COL8A1: variants seen among roughly 807,000 people sequenced by gnomAD.
The protein encoded by COL8A1 is collagen alpha-1(VIII) chain.
COL8A1 carries 21 observed loss-of-function variants against 42.7 expected under a neutral mutation model. The observed-to-expected ratio is 0.49, with a 90% CI of 0.35 to 0.71. The LOEUF is 0.71. Among genes scored for constraint, COL8A1 ranks in the 30% least tolerant of loss-of-function variants. The probability of loss-of-function intolerance (pLI) is 0.01; values close to 1 mark genes in which losing one functional copy is unlikely to be tolerated. For synonymous variants in COL8A1, 367 were observed against 369.1 expected, an observed-to-expected ratio of 0.99 and a Z score of 0.06; for missense variants, 788 against 962.4, an observed-to-expected ratio of 0.82 and a Z score of 2.40.
chr3:99,672,404 T>A (rs988669548), intron 1 of COL8A1, among the ~76,000 whole-genome samples: 1 of 152,010 alleles, frequency 6.6e-6, no homozygotes, highest in Non-Finnish European at 1.5e-5. Flanking sequence ...TCCATCTTTT[T>A]ATCTCATTGG....
Position 99,735,649 on chromosome 3 carries a change from A to G in COL8A1, c.-128-9248A>G, listed in dbSNP as rs1418694017. Among the ~76,000 whole-genome samples, 10 of 149,170 alleles carry G rather than the reference A, an allele frequency of 6.7e-5. No individual in the cohort carries two copies. The East Asian group carries it at 1.0e-3, about 15-fold the overall frequency. On this transcript the variant is annotated intron_variant, in intron 1 of 3. Coordinates refer to ENST00000652472, the MANE Select transcript of COL8A1 (RefSeq NM_020351.4). The stretch of plus-strand genomic sequence containing the variant: ...TGTCTCTGCCTGGCTTTGGTATCAG[A>G]ATGATGCTGGCCTCATAAAATGAGT...
At chr3:99,673,152 C>T (rs541970047) in intron 1 of COL8A1, among the ~76,000 whole-genome samples, 1 of 152,008 alleles carries the variant, frequency 6.6e-6, no homozygotes, top group East Asian at 1.9e-4. Context: ...ACGATTTAGA[C>T]ATGTAGACTC....
Position 99,795,486 on chromosome 3 carries a change from T to C in COL8A1, c.1585T>C (p.Phe529Leu). Residue 529 changes from phenylalanine to leucine, a missense_variant, in exon 4 of 4, where the codon TTC (phenylalanine) becomes CTC (leucine). Phe to Leu is a conservative substitution (Grantham distance 22). This residue lies in a region of COL8A1 where 154 missense variants were observed against 182.3 expected (regional missense o/e 0.84). Transcript: ENST00000652472. Reference protein sequence around the residue: ...GEPGLPGPPGFPGIGKPGVAG... With the variant: ...GEPGLPGPPGLPGIGKPGVAG... ...GCCGGGCCTCCCAGGGCCCCCTGGG[T>C]TCCCTGGTATAGGGAAACCCGGAGT... 6.4e-7 allele frequency: 1 copy of C among 1,557,108 alleles called. No homozygotes were observed. The highest frequency in any genetic ancestry group is 1.2e-5 in the South Asian group (1 of 86,112).
At chr3:99,691,716 A>C (rs1214978964) in intron 1 of COL8A1, 1 of 151,054 alleles carries the variant, frequency 6.6e-6, no homozygotes, top group African/African-American at 2.4e-5. Flanking sequence ...AAAAAAAAAA[A>C]AAAAGCCTCT....
chr3:99,681,199 G>C (rs1938869757), intron 1 of COL8A1, among the ~76,000 whole-genome samples: 1 of 152,128 alleles, frequency 6.6e-6, no homozygotes, highest in South Asian at 2.1e-4. Flanking sequence ...AGAGTGAACA[G>C]GCAACCTACA....
intron 1 of COL8A1, among the ~76,000 whole-genome samples, chr3:99,706,792 G>C (rs912751726): frequency 6.6e-5 from 10 of 152,106 alleles, no homozygotes; most frequent in African/African-American, 2.2e-4. Flanking sequence ...ACTTAAGAAA[G>C]GTTTATAAAC....
Position 99,764,082 on chromosome 3 carries a change from T to A in COL8A1, c.-4+19061T>A, listed in dbSNP as rs180758326. Among the ~76,000 whole-genome samples the A allele has an allele frequency of 2.5e-3, 382 of 152,302 alleles. 4 individuals carry two copies. The highest frequency in any genetic ancestry group is 8.8e-3 in the African/African-American group (365 of 41,570). On this transcript the variant is annotated intron_variant, in intron 2 of 3. Transcript: ENST00000652472. ...TGTGGTAAGAACAGCCTCCTCCTCCTCAGGCCCAGTGACTATCACCCACCA... is the reference window on the plus strand; with the variant it reads ...TGTGGTAAGAACAGCCTCCTCCTCCACAGGCCCAGTGACTATCACCCACCA...
chr3:99,755,756 G>A (rs1260332235), intron 2 of COL8A1, among the ~76,000 whole-genome samples: 4 of 152,166 alleles, frequency 2.6e-5, no homozygotes, highest in Non-Finnish European at 4.4e-5. Context: ...GAACCAGTTT[G>A]GCTTGTTGCA....
intron 1 of COL8A1, among the ~76,000 whole-genome samples, chr3:99,683,949 C>T (rs1365916370): frequency 1.3e-5 from 2 of 152,026 alleles, no homozygotes; most frequent in African/African-American, 4.8e-5. Flanking sequence ...GTTTTGGGGC[C>T]AAAAACTGAG....
chr3:99,682,607 T>G (rs1464002645), intron 1 of COL8A1, among the ~76,000 whole-genome samples: 1 of 145,604 alleles, frequency 6.9e-6, no homozygotes, highest in African/African-American at 2.6e-5. Flanking sequence ...GTAAAAGGAA[T>G]GTGAAATTAA....
chr3:99,745,308 T>C (rs866112003), intron 2 of COL8A1, among the ~76,000 whole-genome samples: 10 of 152,330 alleles, frequency 6.6e-5, no homozygotes, highest in African/African-American at 2.4e-4. Flanking sequence ...ATCATTTCCA[T>C]AGAACTTGAC....
At chr3:99,724,165 T>A (rs927810126) in intron 1 of COL8A1, among the ~76,000 whole-genome samples, 1 of 152,068 alleles carries the variant, frequency 6.6e-6, no homozygotes, top group Non-Finnish European at 1.5e-5. Flanking sequence ...TCCCATGGAT[T>A]AGCTAAAGTT....
chr3:99,794,972 A>T lies in COL8A1; in HGVS notation c.1071A>T (p.Gly357=). Residue 357 remains glycine (G), a synonymous_variant, in exon 4 of 4, where the codon GGA becomes GGT. Coordinates refer to ENST00000652472, the MANE Select transcript of COL8A1 (RefSeq NM_020351.4). The surrounding 1 kb of genome is among the most constrained non-coding windows in gnomAD (Gnocchi z 4.3). The stretch of plus-strand genomic sequence containing the variant: ...GGATTGGGAAACCAGGCTTCCCAGG[A>T]CCCAAAGGTGACCGGGGCATGGGAG... The part of the protein sequence containing the change: ...LPGIGKPGFP[G]PKGDRGMGGV... 2 of 1,603,836 alleles carry T rather than the reference A, an allele frequency of 1.2e-6. No individual in the cohort carries two copies. The highest frequency in any genetic ancestry group is 8.5e-7 in the Non-Finnish European group (1 of 1,175,222).
chr3:99,791,057 C>A, intron 3 of COL8A1, 47 bp downstream of exon 3: 2 of 1,509,618 alleles, frequency 1.3e-6, no homozygotes, highest in Non-Finnish European at 9.0e-7. Flanking sequence ...CTTTCCAAAT[C>A]TCTAAATTAT....
intron 1 of COL8A1, chr3:99,680,027 G>C (rs575683945): frequency 6.6e-6 from 1 of 152,136 alleles, no homozygotes; most frequent in East Asian, 1.9e-4. Context: ...TTAAGTTCTA[G>C]GGTACATGTG....
At chr3:99,715,855 C>G (rs561618019) in intron 1 of COL8A1, among the ~76,000 whole-genome samples, 15 of 152,046 alleles carry the variant, frequency 9.9e-5, no homozygotes, top group Middle Eastern at 3.4e-3. Context: ...AGTGTTTACT[C>G]TCTAGACCAT....
intron 1 of COL8A1, among the ~76,000 whole-genome samples, chr3:99,656,671 C>G (rs1938031490): frequency 6.6e-6 from 1 of 152,140 alleles, no homozygotes; most frequent in Non-Finnish European, 1.5e-5. Flanking sequence ...CTTTTCTTTC[C>G]TTACAATCTT....
intron 1 of COL8A1, among the ~76,000 whole-genome samples, chr3:99,656,604 A>AT (rs956253468): frequency 4.6e-5 from 7 of 152,072 alleles, no homozygotes; most frequent in African/African-American, 1.7e-4. Flanking sequence ...TAGGGTTATT[A>AT]TTTTTTAAGC....
At chr3:99,749,434 A>T (rs1016568259) in intron 2 of COL8A1, among the ~76,000 whole-genome samples, 1 of 152,232 alleles carries the variant, frequency 6.6e-6, no homozygotes, top group Non-Finnish European at 1.5e-5. Flanking sequence ...TTTAAGCTCC[A>T]CAAGCATCTA....
Sources: allele counts gnomAD v4.1 joint callset (sites outside exome capture counted in the v4.1 genomes callset), GRCh38; gene constraint gnomAD v4.1.1; regional missense constraint gnomAD v4.1.1; non-coding constraint Gnocchi (gnomAD v3.1); transcripts MANE v1.5; gene names NCBI Gene and HGNC (gene_info 2026-07-23, HGNC 2026-07-21).